The following IRF6 variants were observed in gnomAD, a reference collection of about 807,000 sequenced individuals.
IRF6 encodes the protein Van der Woude syndrome.
A neutral mutation model predicts 51.4 loss-of-function variants in IRF6; 6 were observed. The ratio of observed to expected loss-of-function variants is 0.12; its 90% confidence interval spans 0.06 to 0.23. The LOEUF (loss-of-function observed/expected upper bound fraction) is 0.23. IRF6 is among the 10% of genes least tolerant of loss of function. The pLI, the probability that IRF6 is intolerant of heterozygous loss-of-function variation, is 1.00. For missense variants in IRF6, 348 were observed against 585.2 expected (o/e 0.59, Z 4.18); for synonymous variants, 178 against 215.7 (o/e 0.83, Z 1.53).
chr1:209,805,531 C>T (rs1244326620), intron 1 of IRF6, among the ~76,000 whole-genome samples: 2 of 152,210 alleles, frequency 1.3e-5, no homozygotes, highest in Non-Finnish European at 2.9e-5. Flanking sequence ...CACCCTCACT[C>T]CAGTTTCCCA....
rs1305395257 is a variant in IRF6, at chr1:209,786,691, C to G, written c.*1729G>C. On this transcript the variant is annotated 3_prime_UTR_variant, in exon 9 of 9. Transcript: ENST00000367021. ...CTGACCTTTAGCCAGGTTTCTTAAT[C>G]TTTTCATGCTTTTCATAATAGCAAA... The G allele has an allele frequency of 1.3e-5, 2 of 152,184 alleles. No individual in the cohort carries two copies. Among genetic ancestry groups the G allele is most frequent in the Non-Finnish European group, 2.9e-5 (2 of 68,044 alleles). The allele number at this position is 152,184 out of a possible 1,614,324, so 9.4% of individuals were successfully genotyped here. A position where few individuals can be genotyped will look rare whatever the true frequency, so the allele number is the denominator to read the frequency against.
rs2077901690 is a variant in IRF6, at chr1:209,796,420, C to T, written c.307G>A (p.Val103Met). 4.3e-6 allele frequency: 7 copies of T among 1,614,166 alleles called. No individual in the cohort carries two copies. The highest frequency in any genetic ancestry group is 5.9e-6 in the Non-Finnish European group (7 of 1,180,040). Reference protein sequence around the residue: ...FNLMYDGTKEVPMNPVKIYQV... With the variant: ...FNLMYDGTKEMPMNPVKIYQV... ...TATATCTTCACTGGGTTCATGGGCA[C>T]CTCCTTGGTGCCATCATACATCAGG... Residue 103 changes from valine to methionine, a missense_variant, in exon 4 of 9, where the codon GTG (valine) becomes ATG (methionine). Transcript: ENST00000367021. The surrounding 1 kb of genome is among the most constrained non-coding windows in gnomAD (Gnocchi z 4.5).
At chr1:209,798,095 C>A (rs2077915163) in intron 3 of IRF6, among the ~76,000 whole-genome samples, 1 of 152,208 alleles carries the variant, frequency 6.6e-6, no homozygotes, top group Admixed American at 6.5e-5. Flanking sequence ...TAATCTAAAT[C>A]CTCCTCCTCC....
intron 3 of IRF6, among the ~76,000 whole-genome samples, chr1:209,797,419 T>C (rs2077909825): frequency 6.7e-6 from 1 of 150,000 alleles, no homozygotes; most frequent in Admixed American, 6.7e-5. Flanking sequence ...CCAAGTGCCT[T>C]TAGGAGGGAA....
rs751425917 is a variant in IRF6, at chr1:209,789,647, A to C, written c.1179+20T>G. ...TTGGCAAAAAGATGAAGAGTTGTTG[A>C]CACAGCCTTATCTTCTCACCTGAAC... On this transcript the variant is annotated intron_variant, in intron 8 of 8. Coordinates refer to ENST00000367021, the MANE Select transcript of IRF6 (RefSeq NM_006147.4). 1 of 1,556,880 alleles carries C rather than the reference A, an allele frequency of 6.4e-7. No homozygotes were observed. Among genetic ancestry groups the C allele is most frequent in the South Asian group, 1.1e-5 (1 of 89,988 alleles).
chr1:209,796,024 C>T lies in IRF6; in HGVS notation c.379+324G>A, dbSNP rs182652564. 3.9e-4 allele frequency among the ~76,000 whole-genome samples: 59 copies of T among 152,234 alleles called. No homozygotes were observed. The highest frequency in any genetic ancestry group is 1.3e-3 in the African/African-American group (56 of 41,546). On this transcript the variant is annotated intron_variant, in intron 4 of 8. Transcript: ENST00000367021. The surrounding 1 kb of genome is among the most constrained non-coding windows in gnomAD (Gnocchi z 4.5). Reference sequence around the variant, plus strand: ...AAAGTGATAAGGGCCAGGTTTAGAACGCAAACCTTTTAAGCTTTAATCCCT... The same window carrying T: ...AAAGTGATAAGGGCCAGGTTTAGAATGCAAACCTTTTAAGCTTTAATCCCT...
intron 3 of IRF6, among the ~76,000 whole-genome samples, chr1:209,799,646 A>G (rs998798719): frequency 6.6e-6 from 1 of 152,198 alleles, no homozygotes; most frequent in African/African-American, 2.4e-5. Flanking sequence ...CATCACTCTC[A>G]TGAGTAGGGC....
At chr1:209,793,907 CT>C (rs1051593630) in intron 5 of IRF6, among the ~76,000 whole-genome samples, 1 of 152,136 alleles carries the variant, frequency 6.6e-6, no homozygotes, top group Non-Finnish European at 1.5e-5. Flanking sequence ...TGATCTTACT[CT>C]TTTTTATGGC....
chr1:209,791,145 T>G (rs1246854701), intron 6 of IRF6: 2 of 706,052 alleles, frequency 2.8e-6, no homozygotes, highest in African/African-American at 1.9e-5. Flanking sequence ...AAGGCTACAA[T>G]TGCATCAAGT....
chr1:209,792,706 T>C (rs1190969656), intron 5 of IRF6: 1 of 495,252 alleles, frequency 2.0e-6, no homozygotes, highest in East Asian at 3.7e-5. Flanking sequence ...CTCTGGAGGT[T>C]AAATTACAAG....
intron 3 of IRF6, among the ~76,000 whole-genome samples, chr1:209,800,177 A>G (rs1336614593): frequency 2.0e-5 from 3 of 152,238 alleles, no homozygotes; most frequent in Admixed American, 1.3e-4. Context: ...GAAGTGACCA[A>G]GAAAGAAGCT....
At chr1:209,803,862 A>G (rs1234715340) in intron 1 of IRF6, among the ~76,000 whole-genome samples, 1 of 137,692 alleles carries the variant, frequency 7.3e-6, no homozygotes, top group Non-Finnish European at 1.6e-5. Context: ...TACAATATGA[A>G]GTTGTGGGGG....
Position 209,796,864 on chromosome 1 carries a change from A to G in IRF6, c.175-312T>C, listed in dbSNP as rs937724240. Among the ~76,000 whole-genome samples the G allele has an allele frequency of 1.3e-5, 2 of 152,250 alleles. No homozygotes were observed. The highest frequency in any genetic ancestry group is 4.8e-5 in the African/African-American group (2 of 41,474). On this transcript the variant is annotated intron_variant, in intron 3 of 8. Transcript: ENST00000367021. This position sits in a 1 kb window ranked among gnomAD's most constrained non-coding sequence, Gnocchi z 4.5. ...CACTCATCAAGACGACAATGCTCTA[A>G]TGAAGGGCTGAAGATAAAGCCTGCT... is the stretch of plus-strand genomic sequence containing the variant.
Position 209,788,213 on chromosome 1 carries a change from T to G in IRF6, c.*207A>C. 5.1e-6 allele frequency: 3 copies of G among 584,618 alleles called. No individual in the cohort carries two copies. Among genetic ancestry groups the G allele is most frequent in the East Asian group, 2.9e-5 (1 of 34,512 alleles). The allele number at this position is 584,618 out of a possible 1,614,324, so 36.2% of individuals were successfully genotyped here. On this transcript the variant is annotated 3_prime_UTR_variant, in exon 9 of 9. Transcript: ENST00000367021. ...TCTACTATGCTATATCATACTACCA[T>G]TAGGAGATTTGAAAAAGAAAAGCAA...
chr1:209,800,537 A>T (rs2077934316), intron 3 of IRF6, among the ~76,000 whole-genome samples: 1 of 152,160 alleles, frequency 6.6e-6, no homozygotes, highest in Non-Finnish European at 1.5e-5. Context: ...AGGGAGGATC[A>T]CTTGACCCCA....
chr1:209,801,791 G>T (rs2077945077), intron 2 of IRF6, among the ~76,000 whole-genome samples, 181 bp downstream of exon 2: 1 of 152,204 alleles, frequency 6.6e-6, no homozygotes, highest in Non-Finnish European at 1.5e-5. Flanking sequence ...TCTCATCTCA[G>T]GAGAGGGAAG....
At position 209,790,841 on chromosome 1, in the gene IRF6, C is replaced by T. The variant is rs1452130807; in HGVS notation, c.714G>A (p.Gly238=). 1.9e-6 allele frequency: 3 copies of T among 1,613,398 alleles called. No homozygotes were observed. The African/African-American group carries it at 4.0e-5, about 22-fold the overall frequency. Residue 238 remains glycine (G), a synonymous_variant, in exon 7 of 9, where the codon GGG becomes GGA. Coordinates refer to ENST00000367021, the MANE Select transcript of IRF6 (RefSeq NM_006147.4). The surrounding 1 kb of genome is among the most constrained non-coding windows in gnomAD (Gnocchi z 4.8). The part of the protein sequence containing the change: ...IKFQYRGKEY[G]QTMTVSNPQG... The stretch of plus-strand genomic sequence containing the variant: ...GAGGGTTGCTCACGGTCATGGTCTG[C>T]CCGTACTCCTTCCCACGGTACTGAA...
At chr1:209,799,929 CA>C (rs2077929081) in intron 3 of IRF6, among the ~76,000 whole-genome samples, 1 of 152,216 alleles carries the variant, frequency 6.6e-6, no homozygotes, top group African/African-American at 2.4e-5. Flanking sequence ...CTACACCTGA[CA>C]TAACTGAGTT....
rs61182544 is a variant in IRF6, at chr1:209,798,908, C to CAAAA, written c.174+2328_174+2331dup. ...TGGGTGACAGAGCAAGACTCTGTCTCAAAAAAAAAAAAAAAAAAAAAAAGA... is the reference window on the plus strand; with the variant it reads ...TGGGTGACAGAGCAAGACTCTGTCTCAAAAAAAAAAAAAAAAAAAAAAAAAAAGA... On this transcript the variant is annotated intron_variant, in intron 3 of 8. Coordinates refer to ENST00000367021, the MANE Select transcript of IRF6 (RefSeq NM_006147.4). Among the ~76,000 whole-genome samples the CAAAA allele has an allele frequency of 8.0e-4, 79 of 99,050 alleles. 2 individuals carry two copies. In the East Asian group the frequency reaches 8.8e-3, roughly 11 times the overall value. The allele number at this position is 99,050 out of a possible 152,430, so 65.0% of individuals were successfully genotyped here. A position where few individuals can be genotyped will look rare whatever the true frequency, so the allele number is the denominator to read the frequency against.
Sources: gnomAD v4.1 joint callset for allele counts (sites outside exome capture counted in the v4.1 genomes callset) on GRCh38, gnomAD v4.1.1 for gene constraint, Gnocchi (gnomAD v3.1) non-coding constraint, MANE v1.5 for transcripts, NCBI Gene and HGNC (gene_info 2026-07-23, HGNC 2026-07-21) for gene names.